RELL1: variants seen among roughly 807,000 people sequenced by gnomAD.
RELL1 encodes the protein RELT like 1.
A neutral mutation model predicts 23.0 loss-of-function variants in RELL1; 10 were observed. The ratio of observed to expected loss-of-function variants is 0.43; its 90% CI spans 0.27 to 0.74. The LOEUF is 0.74. RELL1 is among the 30% of genes least tolerant of loss of function. The pLI is 0.19. For missense variants in RELL1, 315 were observed against 364.4 expected (o/e 0.86, Z 1.10); for synonymous variants, 146 against 146.8 (o/e 0.99, Z 0.04).
At chr4:37,662,137 T>C (rs1560352978) in intron 1 of RELL1, among the ~76,000 whole-genome samples, 1 of 152,308 alleles carries the variant, frequency 6.6e-6, no homozygotes, top group African/African-American at 2.4e-5. Context: ...TGGGAACAGA[T>C]GGAAGCTCAG....
At chr4:37,651,122 C>G (rs16993760) in intron 1 of RELL1, among the ~76,000 whole-genome samples, 3,100 of 151,996 alleles carry the variant, frequency 0.02, 108 homozygotes, top group African/African-American at 0.071. Flanking sequence ...TATATATGTT[C>G]CTGTCACACA....
At chr4:37,662,517 C>T (rs1457972402) in intron 1 of RELL1, among the ~76,000 whole-genome samples, 1 of 151,700 alleles carries the variant, frequency 6.6e-6, no homozygotes, top group Admixed American at 6.6e-5. Context: ...ATTCCTGAAC[C>T]CCGGGTTGCT....
chr4:37,648,587 G>A (rs957535179), intron 2 of RELL1, among the ~76,000 whole-genome samples: 15 of 152,314 alleles, frequency 9.8e-5, no homozygotes, highest in South Asian at 2.1e-4. Flanking sequence ...ACAGGATTTC[G>A]TCTCCCCGGT....
intron 6 of RELL1, among the ~76,000 whole-genome samples, chr4:37,595,749 T>A (rs1170250240): frequency 3.3e-5 from 5 of 152,166 alleles, no homozygotes; most frequent in African/African-American, 4.8e-5. Context: ...GAGTAGAATT[T>A]GGGCAGCTGC....
intron 6 of RELL1, among the ~76,000 whole-genome samples, chr4:37,596,436 G>A (rs1021957730): frequency 1.7e-5 from 1 of 58,164 alleles, no homozygotes; most frequent in Admixed American, 2.1e-4. Context: ...GACTCCAGCA[G>A]GGATTGCCAC....
chr4:37,611,281 C>T lies in RELL1; in HGVS notation c.*2065G>A, dbSNP rs1189914864. Reference sequence around the variant, plus strand: ...ATATATTATTTACACTAATACATACCCCTAAAAGTCCTATATTGCTACTTT... The same window carrying T: ...ATATATTATTTACACTAATACATACTCCTAAAAGTCCTATATTGCTACTTT... On this transcript the variant is annotated 3_prime_UTR_variant, in exon 7 of 7. Coordinates refer to ENST00000454158, the MANE Select transcript of RELL1 (RefSeq NM_001085400.2). Among the ~76,000 whole-genome samples the T allele has an allele frequency of 1.3e-5, 2 of 151,972 alleles. No individual in the cohort carries two copies. The highest frequency in any genetic ancestry group is 2.9e-5 in the Non-Finnish European group (2 of 67,992).
chr4:37,676,923 T>C (rs947437391), intron 1 of RELL1, among the ~76,000 whole-genome samples: 4 of 152,146 alleles, frequency 2.6e-5, no homozygotes, highest in Non-Finnish European at 5.9e-5. Flanking sequence ...GAACAAGACA[T>C]ACACGTAGTC....
intron 1 of RELL1, among the ~76,000 whole-genome samples, chr4:37,685,855 C>G (rs1159557414): frequency 2.0e-5 from 3 of 152,366 alleles, no homozygotes; most frequent in African/African-American, 7.2e-5. Flanking sequence ...CGGCGGGAAA[C>G]GGGTCCGCGG....
intron 1 of RELL1, among the ~76,000 whole-genome samples, chr4:37,657,202 G>C (rs2109292757): frequency 6.6e-6 from 1 of 152,174 alleles, no homozygotes; most frequent in East Asian, 1.9e-4. Flanking sequence ...AAATAAACAG[G>C]CAAAAATAAA....
At chr4:37,645,080 C>T (rs141300577) in intron 3 of RELL1, among the ~76,000 whole-genome samples, 83 of 152,316 alleles carry the variant, frequency 5.4e-4, no homozygotes, top group African/African-American at 1.7e-3. Flanking sequence ...ATAGCAAACC[C>T]TCATGAGTGC....
chr4:37,680,253 A>T (rs1722166095), intron 1 of RELL1, among the ~76,000 whole-genome samples: 1 of 152,130 alleles, frequency 6.6e-6, no homozygotes, highest in Non-Finnish European at 1.5e-5. Flanking sequence ...TTGCTGTGAG[A>T]ATGTAACCTG....
chr4:37,612,047 G>T lies in RELL1; in HGVS notation c.*1299C>A, dbSNP rs1375322751. On this transcript the variant is annotated 3_prime_UTR_variant, in exon 7 of 7. Coordinates refer to ENST00000454158, the MANE Select transcript of RELL1 (RefSeq NM_001085400.2). Reference sequence around the variant, plus strand: ...AAAAAATAAGCCAAGCGTGGTGGTGGGCACCTGTAGTCCCAGCTACTCAGG... The same window carrying T: ...AAAAAATAAGCCAAGCGTGGTGGTGTGCACCTGTAGTCCCAGCTACTCAGG... Among the ~76,000 whole-genome samples the T allele has an allele frequency of 4.0e-5, 6 of 151,674 alleles. No individual in the cohort carries two copies. The highest frequency in any genetic ancestry group is 1.5e-4 in the African/African-American group (6 of 41,312).
intron 6 of RELL1, among the ~76,000 whole-genome samples, chr4:37,625,286 G>A (rs1392258117): frequency 6.6e-6 from 1 of 152,128 alleles, no homozygotes; most frequent in Non-Finnish European, 1.5e-5. Flanking sequence ...CACATAGGAG[G>A]AAAGTTCCAT....
intron 6 of RELL1, among the ~76,000 whole-genome samples, chr4:37,621,880 A>T (rs28566806): frequency 1.4e-4 from 22 of 152,226 alleles, no homozygotes; most frequent in African/African-American, 5.1e-4. Flanking sequence ...TGGGAATACT[A>T]ATAAATATGT....
At chr4:37,604,836 C>G (rs1422752671) in intron 6 of RELL1, among the ~76,000 whole-genome samples, 1 of 108,498 alleles carries the variant, frequency 9.2e-6, no homozygotes. Flanking sequence ...CACACATACA[C>G]ACAGACACAC....
chr4:37,665,220 C>G (rs995613120), intron 1 of RELL1: 5 of 455,948 alleles, frequency 1.1e-5, no homozygotes, highest in African/African-American at 6.0e-5. Context: ...TTGCCAAATG[C>G]CAACAGTTTT....
At chr4:37,636,589 T>C (rs1216803949) in intron 4 of RELL1, among the ~76,000 whole-genome samples, 5 of 141,518 alleles carry the variant, frequency 3.5e-5, no homozygotes, top group Admixed American at 1.4e-4. Flanking sequence ...AGCAAGACTC[T>C]GTCTCAAAAA....
chr4:37,657,045 A>C (rs1324028844), intron 1 of RELL1, among the ~76,000 whole-genome samples: 1 of 152,206 alleles, frequency 6.6e-6, no homozygotes, highest in Non-Finnish European at 1.5e-5. Context: ...AATTCCTAAG[A>C]ACACATGGGA....
chr4:37,592,259 G>A (rs1460079991), intron 6 of RELL1, among the ~76,000 whole-genome samples: 1 of 143,686 alleles, frequency 7.0e-6, no homozygotes, highest in Non-Finnish European at 1.5e-5. Context: ...GCTCATGTCT[G>A]TAATCTGAGC....
Sources: allele counts gnomAD v4.1 joint callset (sites outside exome capture counted in the v4.1 genomes callset), GRCh38; gene constraint gnomAD v4.1.1; transcripts MANE v1.5; gene names NCBI Gene and HGNC (gene_info 2026-07-23, HGNC 2026-07-21).